Variants in DDX19B observed in about 807,000 individuals in gnomAD.
DDX19B encodes ATP-dependent RNA helicase DDX19B.
DDX19B carries 27 observed loss-of-function variants against 58.1 expected under a neutral mutation model. That is an observed-to-expected ratio of 0.46 (90% CI 0.34 to 0.64). The LOEUF (loss-of-function observed/expected upper bound fraction) is 0.64, where lower values mean the gene tolerates loss of function less well. Ranked by LOEUF, DDX19B falls within the 30% of genes least tolerant of loss-of-function variation. The pLI is 0.01. For synonymous variants in DDX19B, 187 were observed against 214.4 expected (o/e 0.87, Z 1.12); for missense variants, 399 against 596.5 (o/e 0.67, Z 3.45).
chr16:70,310,484 A>T (rs184878350), intron 1 of DDX19B, among the ~76,000 whole-genome samples: 1 of 152,076 alleles, frequency 6.6e-6, no homozygotes, highest in African/African-American at 2.4e-5. Flanking sequence ...TGAGGCTTCA[A>T]TGAGCCATGA....
upstream of DDX19B, chr16:70,299,090 G>A: frequency 7.9e-7 from 1 of 1,269,156 alleles, no homozygotes; most frequent in East Asian, 3.1e-5. Flanking sequence ...TGAGGGGTAC[G>A]GGTCTGAGGG....
chr16:70,301,676 C>CTCTT (rs1252861808), intron 1 of DDX19B, among the ~76,000 whole-genome samples: 1 of 150,162 alleles, frequency 6.7e-6, no homozygotes, highest in South Asian at 2.1e-4. Context: ...CTCACTTTCT[C>CTCTT]TCTTTCTTTC....
rs565886897 is a variant in DDX19B at position 70,309,324 on chromosome 16, T to C, written c.58-3285T>C. Among the ~76,000 whole-genome samples the C allele has an allele frequency of 8.1e-4, 122 of 150,952 alleles. 1 individual carries two copies. Among genetic ancestry groups the C allele is most frequent in the Non-Finnish European group, 6.0e-4 (41 of 67,778 alleles). ...TCCTGGCTAACACGGTGAAACCCCG[T>C]CTCTACTAAAAATATAAAAAGTTAG... On this transcript the variant is annotated intron_variant, in intron 1 of 11. Coordinates refer to ENST00000288071, the MANE Select transcript of DDX19B (RefSeq NM_007242.7).
In DDX19B at chr16:70,333,541, G is replaced by A. The variant is rs1395243314; in HGVS notation, c.1399G>A (p.Asp467Asn). ...CCCAGATAAGAAGATAGAAAGATTG[G>A]ACACAGATGATTTGGACGAGATTGA... Reference protein sequence around the residue: ...EHFNKKIERLDTDDLDEIEKI... With the variant: ...EHFNKKIERLNTDDLDEIEKI... Residue 467 changes from aspartate (D) to asparagine (N), a missense_variant, in exon 12 of 12, where the codon GAC becomes AAC. Around this residue, in one of 4 missense-constraint regions of DDX19B, gnomAD observed 198 missense variants for 345.9 expected, o/e 0.57. Transcript: ENST00000288071. The A allele has an allele frequency of 3.7e-6, 6 of 1,613,994 alleles. No homozygotes were observed. Among genetic ancestry groups the A allele is most frequent in the Non-Finnish European group, 5.1e-6 (6 of 1,179,872 alleles).
chr16:70,332,027 C>CG, intron 10 of DDX19B, 143 bp downstream of exon 10: 8 of 1,302,296 alleles, frequency 6.1e-6, no homozygotes, highest in Non-Finnish European at 4.1e-6. Flanking sequence ...CTAGGAGAGA[C>CG]TGTTTGGATT....
intron 9 of DDX19B, 60 bp downstream of exon 9, chr16:70,330,128 C>T (rs1963405911): frequency 1.3e-6 from 2 of 1,587,446 alleles, no homozygotes; most frequent in Non-Finnish European, 1.7e-6. Context: ...CCCCACAGGG[C>T]TCAGGAGGAC....
intron 1 of DDX19B, among the ~76,000 whole-genome samples, chr16:70,310,093 G>T (rs2152192466): frequency 6.6e-6 from 1 of 151,880 alleles, no homozygotes; most frequent in East Asian, 1.9e-4. Context: ...TAAAAGATTA[G>T]CTGGGCAGGC....
In DDX19B at chr16:70,324,676, A is replaced by G. The variant is rs760155888; in HGVS notation, c.481A>G (p.Lys161Glu). 5 of 1,613,262 alleles carry G rather than the reference A, an allele frequency of 3.1e-6. No homozygotes were observed. The highest frequency in any genetic ancestry group is 3.4e-6 in the Non-Finnish European group (4 of 1,179,828). The change falls in exon 6 of 12, where the codon AAA becomes GAA. Residue 161 changes from lysine to glutamate, a missense_variant. Coordinates refer to ENST00000288071, the MANE Select transcript of DDX19B (RefSeq NM_007242.7). ...AMLSQVEPAN[K>E]YPQCLCLSPT... The stretch of plus-strand genomic sequence containing the variant: ...GCTTAGCCAAGTAGAACCTGCAAAC[A>G]AATACCCCCAGGTAAGGATTTATGA...
At chr16:70,333,271 C>G (rs1277450921) in intron 11 of DDX19B, 112 bp downstream of exon 11, 1 of 720,746 alleles carries the variant, frequency 1.4e-6, no homozygotes, top group Admixed American at 2.9e-5. Context: ...TAGCACACTC[C>G]CCTCCTTTCT....
chr16:70,327,583 GAC>G, intron 7 of DDX19B, among the ~76,000 whole-genome samples: 1 of 145,736 alleles, frequency 6.9e-6, no homozygotes, highest in East Asian at 2.0e-4. Flanking sequence ...TTTTTGTAAA[GAC>G]AGTGTCTTGC....
At chr16:70,303,810 C>G (rs567633867) in intron 1 of DDX19B, among the ~76,000 whole-genome samples, 4 of 152,194 alleles carry the variant, frequency 2.6e-5, no homozygotes, top group African/African-American at 9.6e-5. Flanking sequence ...CCGCCCACCT[C>G]GGCCTCCCAA....
chr16:70,330,829 G>T (rs1454792522), intron 9 of DDX19B, among the ~76,000 whole-genome samples: 1 of 151,954 alleles, frequency 6.6e-6, no homozygotes, highest in East Asian at 1.9e-4. Context: ...GGATCTTCTT[G>T]AGCCCAGGAG....
chr16:70,323,895 G>C (rs1207121326), intron 5 of DDX19B, among the ~76,000 whole-genome samples: 2 of 152,042 alleles, frequency 1.3e-5, no homozygotes, highest in Admixed American at 1.3e-4. Flanking sequence ...GTAGATATCT[G>C]GGCAAAGACT....
At chr16:70,317,247 G>A in intron 4 of DDX19B, 1 of 252,136 alleles carries the variant, frequency 4.0e-6, no homozygotes, top group East Asian at 7.5e-5. Context: ...GGGGCATGGT[G>A]CCATGTACCT....
chr16:70,294,105 G>A (rs188849491), upstream of DDX19B, among the ~76,000 whole-genome samples: 1,970 of 132,314 alleles, frequency 0.015, 48 homozygotes, highest in African/African-American at 0.053. Flanking sequence ...TTTTTGAGAC[G>A]GAGTCTCACT....
At chr16:70,293,793 A>G (rs1374169744), upstream of DDX19B, among the ~76,000 whole-genome samples, 1 of 148,200 alleles carries the variant, frequency 6.7e-6, no homozygotes, top group Non-Finnish European at 1.5e-5. Context: ...TTGTATTTTT[A>G]GTAGAGACGG....
chr16:70,304,411 C>A (rs1006050139), intron 1 of DDX19B, among the ~76,000 whole-genome samples: 7 of 146,490 alleles, frequency 4.8e-5, no homozygotes, highest in Non-Finnish European at 3.0e-5. Flanking sequence ...TTGCTCTTGT[C>A]CCCCAGGTTG....
chr16:70,323,414 T>TTTTTTTC (rs1191728587), intron 5 of DDX19B, among the ~76,000 whole-genome samples: 1 of 151,138 alleles, frequency 6.6e-6, no homozygotes, highest in African/African-American at 2.4e-5. Context: ...CCTTGCCTGC[T>TTTTTTTC]TTTTTTCTTT....
chr16:70,297,574 A>G (rs1332833339), upstream of DDX19B, among the ~76,000 whole-genome samples: 1 of 152,064 alleles, frequency 6.6e-6, no homozygotes, highest in Non-Finnish European at 1.5e-5. Flanking sequence ...GTTGGGATTC[A>G]TTTTTTTCAG....
Sources: allele counts gnomAD v4.1 joint callset (sites outside exome capture counted in the v4.1 genomes callset), GRCh38; gene constraint gnomAD v4.1.1; regional missense constraint gnomAD v4.1.1; transcripts MANE v1.5; gene names NCBI Gene and HGNC (gene_info 2026-07-23, HGNC 2026-07-21).